The following AGAP1 variants were observed in gnomAD, a reference collection of about 807,000 sequenced individuals.
AGAP1 encodes ArfGAP with GTPase domain, ankyrin repeat and PH domain 1.
AGAP1 carries 29 observed loss-of-function variants against 105.3 expected under a neutral mutation model. The ratio of observed to expected loss-of-function variants is 0.28; its 90% CI spans 0.21 to 0.38. The LOEUF is 0.38. Ranked by LOEUF, AGAP1 falls within the 10% of genes least tolerant of loss-of-function variation. AGAP1 has a pLI of 1.00. For synonymous variants in AGAP1, 509 were observed against 485.9 expected (o/e 1.05, Z -0.63); for missense variants, 998 against 1,165.1 (o/e 0.86, Z 2.09).
At chr2:235,924,040 G>GA (rs930073383) in intron 11 of AGAP1, among the ~76,000 whole-genome samples, 4 of 152,114 alleles carry the variant, frequency 2.6e-5, no homozygotes, top group Non-Finnish European at 5.9e-5. Context: ...TTGCCGTGGA[G>GA]AGTGACATTT....
At position 235,883,430 on chromosome 2, in the gene AGAP1, C is replaced by A; in HGVS notation, c.1136C>A (p.Thr379Asn). Residue 379 changes from threonine to asparagine, a missense_variant, in exon 10 of 18, where the codon ACC (threonine) becomes AAC (asparagine). Thr to Asn is a moderately conservative substitution (Grantham distance 65, BLOSUM62 0). Transcript: ENST00000304032. This position sits in a 1 kb window ranked among gnomAD's most constrained non-coding sequence, Gnocchi z 4.5. ...YVTLCDNGVL[T>N]YHPSLHDYMQ... ...ACCCTGTGTGACAATGGCGTGCTGA[C>A]CTATCATCCCAGTTTACATGTGAGT... is the stretch of plus-strand genomic sequence containing the variant. The A allele has an allele frequency of 6.2e-7, 1 of 1,614,002 alleles. No individual in the cohort carries two copies. The highest frequency in any genetic ancestry group is 8.5e-7 in the Non-Finnish European group (1 of 1,179,974).
Position 236,041,266 on chromosome 2 carries a change from AT to A in AGAP1, c.1891+439del, listed in dbSNP as rs71039704. ...TTGCTTAATCAGTGATCACTTGTTGATTTTTTTTTTTTTTCATAAAAATAGA... is the reference window on the plus strand; with the variant it reads ...TTGCTTAATCAGTGATCACTTGTTGATTTTTTTTTTTTTCATAAAAATAGA... On this transcript the variant is annotated intron_variant, in intron 15 of 17. Coordinates refer to ENST00000304032, the MANE Select transcript of AGAP1 (RefSeq NM_001037131.3). 6.9e-3 allele frequency among the ~76,000 whole-genome samples: 1,028 copies of A among 148,096 alleles called. 4 individuals carry two copies. The highest frequency in any genetic ancestry group is 0.014 in the Middle Eastern group (4 of 290).
At position 235,842,932 on chromosome 2, in the gene AGAP1, A is replaced by G. The variant is rs1241683033; in HGVS notation, c.1050+35601A>G. ...GGTAGAGATGGGGTTTCACCATGTT[A>G]GGCAGGATGGTCTTGAACTCCTGAC... On this transcript the variant is annotated intron_variant, in intron 9 of 17. Coordinates refer to ENST00000304032, the MANE Select transcript of AGAP1 (RefSeq NM_001037131.3). The surrounding 1 kb of genome is among the most constrained non-coding windows in gnomAD (Gnocchi z 5.3). Among the ~76,000 whole-genome samples, 2 of 152,128 alleles carry G rather than the reference A, an allele frequency of 1.3e-5. No individual in the cohort carries two copies. The highest frequency in any genetic ancestry group is 4.8e-5 in the African/African-American group (2 of 41,440).
chr2:235,510,472 G>T (rs974531671), intron 1 of AGAP1, among the ~76,000 whole-genome samples: 3 of 152,190 alleles, frequency 2.0e-5, no homozygotes, highest in Admixed American at 1.3e-4. Flanking sequence ...GTTGTTTCCA[G>T]TTCTTGGCTT....
At chr2:235,862,806 G>A (rs943776583) in intron 9 of AGAP1, among the ~76,000 whole-genome samples, 1 of 152,164 alleles carries the variant, frequency 6.6e-6, no homozygotes, top group African/African-American at 2.4e-5. Context: ...GGCAGCCCTG[G>A]GTTGTTCTTT....
rs1237123681 is a variant in AGAP1, at chr2:235,733,765, G to T, written c.311-7198G>T. On this transcript the variant is annotated intron_variant, in intron 3 of 17. Coordinates refer to ENST00000304032, the MANE Select transcript of AGAP1 (RefSeq NM_001037131.3). The surrounding 1 kb of genome is among the most constrained non-coding windows in gnomAD (Gnocchi z 5.0). The stretch of plus-strand genomic sequence containing the variant: ...GTTTCACCCATGGAAATAGTCAGCA[G>T]TCGCCACATGCAGGGTCCTCACTCA... Among the ~76,000 whole-genome samples, 1 of 152,130 alleles carries T rather than the reference G, an allele frequency of 6.6e-6. No homozygotes were observed. The highest frequency in any genetic ancestry group is 1.5e-5 in the Non-Finnish European group (1 of 68,036).
chr2:236,036,487 C>G lies in AGAP1; in HGVS notation c.1646-74C>G, dbSNP rs1457007859. 1 of 1,566,938 alleles carries G rather than the reference C, an allele frequency of 6.4e-7. No homozygotes were observed. Among genetic ancestry groups the G allele is most frequent in the African/African-American group, 1.4e-5 (1 of 73,778 alleles). On this transcript the variant is annotated intron_variant, in intron 13 of 17. Coordinates refer to ENST00000304032, the MANE Select transcript of AGAP1 (RefSeq NM_001037131.3). The surrounding 1 kb of genome is among the most constrained non-coding windows in gnomAD (Gnocchi z 5.7). The stretch of plus-strand genomic sequence containing the variant: ...GGGGCAGCTGAACCCAGAGGCGCTT[C>G]TGTGACAGAGGGCCCGCAGGGGGAC...
At chr2:235,528,372 C>G (rs1309585937) in intron 1 of AGAP1, among the ~76,000 whole-genome samples, 1 of 150,546 alleles carries the variant, frequency 6.6e-6, no homozygotes. Flanking sequence ...CCGCCCCCTC[C>G]CCTCCCACTG....
intron 1 of AGAP1, among the ~76,000 whole-genome samples, chr2:235,707,541 C>T (rs920219442): frequency 8.8e-5 from 12 of 136,444 alleles, no homozygotes; most frequent in Admixed American, 5.7e-4. Context: ...GTGGGTTGTG[C>T]TCCCCCGGCG....
rs566959297 is a variant in AGAP1, at chr2:235,692,578, C to G, written c.164-16601C>G. ...TATGCTCTCCCCCCTTGCCCTCCCC[C>G]CTTGCCTTCCTGGGCCATCCTTTTC... On this transcript the variant is annotated intron_variant, in intron 1 of 17. Coordinates refer to ENST00000304032, the MANE Select transcript of AGAP1 (RefSeq NM_001037131.3). This position sits in a 1 kb window ranked among gnomAD's most constrained non-coding sequence, Gnocchi z 5.8. Among the ~76,000 whole-genome samples, 128 of 152,046 alleles carry G rather than the reference C, an allele frequency of 8.4e-4. 2 individuals are homozygous for G. The highest frequency in any genetic ancestry group is 2.5e-3 in the African/African-American group (104 of 41,356).
chr2:236,071,362 C>G (rs2058490613), intron 16 of AGAP1, among the ~76,000 whole-genome samples: 1 of 152,168 alleles, frequency 6.6e-6, no homozygotes, highest in Admixed American at 6.5e-5. Context: ...CCTCGGTGGT[C>G]CCAGCCACTC....
chr2:235,623,782 G>C lies in AGAP1; in HGVS notation c.164-85397G>C, dbSNP rs751874887. Among the ~76,000 whole-genome samples the C allele has an allele frequency of 2.6e-5, 4 of 152,040 alleles. No homozygotes were observed. The highest frequency in any genetic ancestry group is 4.4e-5 in the Non-Finnish European group (3 of 68,006). ...ATTAATTTACATGTCAGATTTTTTT[G>C]AGTATTGTAGTTTTTTTCAATATTT... On this transcript the variant is annotated intron_variant, in intron 1 of 17. Coordinates refer to ENST00000304032, the MANE Select transcript of AGAP1 (RefSeq NM_001037131.3). The surrounding 1 kb of genome is among the most constrained non-coding windows in gnomAD (Gnocchi z 4.5).
intron 9 of AGAP1, among the ~76,000 whole-genome samples, chr2:235,854,631 C>T (rs1227974688): frequency 1.3e-5 from 2 of 152,184 alleles, no homozygotes; most frequent in African/African-American, 2.4e-5. Context: ...GGGGCTGCCG[C>T]GTCCGCTTAC....
Position 236,002,735 on chromosome 2 carries a change from T to C in AGAP1, c.1646-33826T>C, listed in dbSNP as rs2056175297. Among the ~76,000 whole-genome samples, 1 of 152,180 alleles carries C rather than the reference T, an allele frequency of 6.6e-6. No homozygotes were observed. The highest frequency in any genetic ancestry group is 6.5e-5 in the Admixed American group (1 of 15,272). ...AGTCCCCCTGAAAAGCGAGATTTCA[T>C]AGAAGTATTGAATTTTACCAAAAGT... On this transcript the variant is annotated intron_variant, in intron 13 of 17. Transcript: ENST00000304032. This position sits in a 1 kb window ranked among gnomAD's most constrained non-coding sequence, Gnocchi z 4.3.
chr2:235,702,381 G>T (rs910065327), intron 1 of AGAP1, among the ~76,000 whole-genome samples: 1 of 152,216 alleles, frequency 6.6e-6, no homozygotes, highest in Non-Finnish European at 1.5e-5. Flanking sequence ...GAGGAAGGAC[G>T]CAGTGGAGGC....
At chr2:235,589,186 A>ATTTTTTTTTTTTTTTTTTTTTTTT (rs1559270688) in intron 1 of AGAP1, among the ~76,000 whole-genome samples, 1 of 35,086 alleles carries the variant, frequency 2.9e-5, no homozygotes, top group Non-Finnish European at 5.9e-5. Context: ...TTAATAGCTT[A>ATTTTTTTTTTTTTTTTTTTTTTTT]TTGTTTTGTT....
At position 236,012,589 on chromosome 2, in the gene AGAP1, G is replaced by A. The variant is rs556081788; in HGVS notation, c.1646-23972G>A. Among the ~76,000 whole-genome samples, 120 of 152,236 alleles carry A rather than the reference G, an allele frequency of 7.9e-4. No individual in the cohort carries two copies. Among genetic ancestry groups the A allele is most frequent in the Non-Finnish European group, 1.4e-3 (96 of 68,010 alleles). On this transcript the variant is annotated intron_variant, in intron 13 of 17. Coordinates refer to ENST00000304032, the MANE Select transcript of AGAP1 (RefSeq NM_001037131.3). The surrounding 1 kb of genome is among the most constrained non-coding windows in gnomAD (Gnocchi z 4.9). Reference sequence around the variant, plus strand: ...GTATTTGTACCGGTGGGTACCTGAAGATCCTTTTCCCAGGTTTGGAGTTAC... The same window carrying A: ...GTATTTGTACCGGTGGGTACCTGAAAATCCTTTTCCCAGGTTTGGAGTTAC...
intron 6 of AGAP1, among the ~76,000 whole-genome samples, chr2:235,765,576 CAT>C (rs957826867): frequency 2.0e-5 from 3 of 152,164 alleles, no homozygotes; most frequent in African/African-American, 7.2e-5. Flanking sequence ...GACTGTACCA[CAT>C]GTTCCCTTCT....
rs981347495 is a variant in AGAP1 at position 235,601,452 on chromosome 2, G to T, written c.163+106603G>T. 6.6e-6 allele frequency among the ~76,000 whole-genome samples: 1 copy of T among 152,210 alleles called. No homozygotes were observed. Among genetic ancestry groups the T allele is most frequent in the Non-Finnish European group, 1.5e-5 (1 of 68,048 alleles). On this transcript the variant is annotated intron_variant, in intron 1 of 17. Transcript: ENST00000304032. This position sits in a 1 kb window ranked among gnomAD's most constrained non-coding sequence, Gnocchi z 4.4. Reference sequence around the variant, plus strand: ...TTTAACGGACTCACAGTTCTACATGGCTGGGGAGGCCTCACAGTCATGGCG... The same window carrying T: ...TTTAACGGACTCACAGTTCTACATGTCTGGGGAGGCCTCACAGTCATGGCG...
Sources: allele counts gnomAD v4.1 joint callset (sites outside exome capture counted in the v4.1 genomes callset), GRCh38; gene constraint gnomAD v4.1.1; non-coding constraint Gnocchi (gnomAD v3.1); transcripts MANE v1.5; gene names NCBI Gene and HGNC (gene_info 2026-07-23, HGNC 2026-07-21).